ZNF385D: variants seen among roughly 807,000 people sequenced by gnomAD.
The protein encoded by ZNF385D is zinc finger protein 659.
Under a neutral mutation model 35.8 loss-of-function variants are expected in ZNF385D, and 15 were observed. The ratio of observed to expected loss-of-function variants is 0.42; its 90% CI spans 0.28 to 0.64. The LOEUF is 0.64. ZNF385D is among the 30% of genes least tolerant of loss of function. ZNF385D has a pLI of 0.23. For missense variants in ZNF385D, 474 were observed against 494.6 expected (o/e 0.96, Z 0.39); for synonymous variants, 212 against 186.8 (o/e 1.13, Z -1.10).
At chr3:21,635,610 G>C (rs961481916) in intron 2 of ZNF385D, among the ~76,000 whole-genome samples, 11 of 151,934 alleles carry the variant, frequency 7.2e-5, no homozygotes, top group Non-Finnish European at 1.2e-4. Flanking sequence ...GGGGTGTTTG[G>C]TTACATAAGT....
rs144788554 is a variant in ZNF385D at position 21,728,125 on chromosome 3, C to G, written c.22+22770G>C. ...CACAGGGAGTGAACATCACACATCG[C>G]GGCCTGTCGGGTGGTGGAGGGCTAG... On this transcript the variant is annotated intron_variant, in intron 1 of 7. Coordinates refer to ENST00000281523, the MANE Select transcript of ZNF385D (RefSeq NM_024697.3). Among the ~76,000 whole-genome samples the G allele has an allele frequency of 4.9e-3, 746 of 152,004 alleles. 1 individual carries two copies. Among genetic ancestry groups the G allele is most frequent in the Non-Finnish European group, 7.6e-3 (520 of 67,976 alleles).
At chr3:22,183,513 A>C (rs1003276701) in intron 2 of ZNF385D, among the ~76,000 whole-genome samples, 3 of 152,026 alleles carry the variant, frequency 2.0e-5, no homozygotes, top group African/African-American at 7.2e-5. Flanking sequence ...ACACACCACC[A>C]TGCCCAGCTA....
intron 3 of ZNF385D, among the ~76,000 whole-genome samples, chr3:21,862,986 C>T (rs1252004198): frequency 6.6e-6 from 1 of 152,150 alleles, no homozygotes; most frequent in Non-Finnish European, 1.5e-5. Context: ...CCTTTTCTGA[C>T]TTTATCTCAC....
intron 3 of ZNF385D, among the ~76,000 whole-genome samples, chr3:21,985,306 T>C (rs1442891064): frequency 1.0e-5 from 1 of 99,730 alleles, no homozygotes; most frequent in Non-Finnish European, 2.0e-5. Context: ...TGTGGGTTTG[T>C]CATAGATAGC....
At chr3:22,077,309 T>C (rs915047173) in intron 3 of ZNF385D, among the ~76,000 whole-genome samples, 1 of 151,922 alleles carries the variant, frequency 6.6e-6, no homozygotes. Flanking sequence ...ACTTCTTCCA[T>C]GCCTAGTTTT....
intron 3 of ZNF385D, among the ~76,000 whole-genome samples, chr3:21,825,024 A>T (rs531519581): frequency 6.6e-6 from 1 of 152,226 alleles, no homozygotes; most frequent in South Asian, 2.1e-4. Context: ...AGAAACTCCC[A>T]TATCATTTAA....
chr3:22,267,714 T>G (rs115128898), intron 2 of ZNF385D, among the ~76,000 whole-genome samples: 4 of 151,938 alleles, frequency 2.6e-5, no homozygotes, highest in African/African-American at 9.7e-5. Flanking sequence ...TGCACTCCCA[T>G]GTTAGAATGA....
chr3:21,827,915 AACAT>A lies in ZNF385D; in HGVS notation c.326-162891_326-162888del, dbSNP rs202070503. On this transcript the variant is annotated intron_variant, in intron 3 of 5. Coordinates refer to the ZNF385D transcript ENST00000494108. ...TTCAAAGAGTGTTGGTAGAGGGCTT[AACAT>A]ATTGTGAGCAATTAATCTTCAACTA... Among the ~76,000 whole-genome samples, 1,458 of 152,288 alleles carry A rather than the reference AACAT, an allele frequency of 9.6e-3. 20 individuals carry two copies. Among genetic ancestry groups the A allele is most frequent in the Non-Finnish European group, 0.012 (845 of 68,014 alleles).
chr3:21,997,690 AT>A (rs1695556319), intron 3 of ZNF385D, among the ~76,000 whole-genome samples: 1 of 152,072 alleles, frequency 6.6e-6, no homozygotes, highest in African/African-American at 2.4e-5. Context: ...AAGTTATCAG[AT>A]TTTGTTAACT....
At chr3:22,162,745 G>A (rs535130689) in intron 3 of ZNF385D, among the ~76,000 whole-genome samples, 3 of 152,270 alleles carry the variant, frequency 2.0e-5, no homozygotes, top group African/African-American at 7.2e-5. Context: ...GCTTATGCAT[G>A]TTAATACATT....
At chr3:21,632,562 G>C (rs78538922) in intron 2 of ZNF385D, among the ~76,000 whole-genome samples, 1 of 152,082 alleles carries the variant, frequency 6.6e-6, no homozygotes, top group Non-Finnish European at 1.5e-5. Context: ...TGCAGTTAAG[G>C]GGGGAAAAGG....
chr3:22,144,524 G>T (rs888345271), intron 3 of ZNF385D, among the ~76,000 whole-genome samples: 3 of 116,768 alleles, frequency 2.6e-5, no homozygotes, highest in East Asian at 5.9e-4. Flanking sequence ...AATGAGCCAA[G>T]ATCATGCCAC....
intron 3 of ZNF385D, among the ~76,000 whole-genome samples, chr3:21,557,925 C>G (rs1057365325): frequency 5.3e-5 from 8 of 151,984 alleles, no homozygotes; most frequent in African/African-American, 1.9e-4. Context: ...TCTAGATTTT[C>G]TAGTTTATTT....
intron 3 of ZNF385D, among the ~76,000 whole-genome samples, chr3:22,164,298 G>A (rs979052962): frequency 6.6e-5 from 9 of 136,340 alleles, no homozygotes; most frequent in Middle Eastern, 4.5e-3. Flanking sequence ...GTGCTATCTC[G>A]GCTCACTGCA....
At chr3:22,331,071 G>C (rs1694913206) in intron 2 of ZNF385D, among the ~76,000 whole-genome samples, 2 of 152,174 alleles carry the variant, frequency 1.3e-5, no homozygotes, top group African/African-American at 4.8e-5. Context: ...GTTTGCAGCA[G>C]GGAATGTTTA....
chr3:22,043,473 A>G (rs1036490045), intron 3 of ZNF385D, among the ~76,000 whole-genome samples: 3 of 152,194 alleles, frequency 2.0e-5, no homozygotes, highest in African/African-American at 7.2e-5. Context: ...ATAATTATCA[A>G]ATTTATTTAT....
intron 2 of ZNF385D, among the ~76,000 whole-genome samples, chr3:21,613,976 G>T (rs532362438): frequency 1.3e-5 from 2 of 152,332 alleles, no homozygotes; most frequent in Non-Finnish European, 2.9e-5. Context: ...GATTATAATA[G>T]GTGGGTGGGC....
intron 3 of ZNF385D, among the ~76,000 whole-genome samples, chr3:21,970,785 C>G (rs1703201184): frequency 6.6e-6 from 1 of 151,720 alleles, no homozygotes; most frequent in Non-Finnish European, 1.5e-5. Flanking sequence ...CTCCTAAAGA[C>G]AAACATAAAG....
At chr3:22,044,176 A>C (rs1396127416) in intron 3 of ZNF385D, among the ~76,000 whole-genome samples, 1 of 152,082 alleles carries the variant, frequency 6.6e-6, no homozygotes, top group East Asian at 1.9e-4. Context: ...GGATAGTCAC[A>C]AAAGTACTCC....
Sources: gnomAD v4.1 joint callset for allele counts (sites outside exome capture counted in the v4.1 genomes callset) on GRCh38, gnomAD v4.1.1 for gene constraint, MANE v1.5 for transcripts, NCBI Gene and HGNC (gene_info 2026-07-23, HGNC 2026-07-21) for gene names.